PARD3: variants seen among roughly 807,000 people sequenced by gnomAD.
PARD3 encodes the protein par-3 family cell polarity regulator.
In PARD3, 75 loss-of-function variants were observed where a neutral mutation model predicts 155.4. The observed-to-expected ratio is 0.48, with a 90% CI of 0.40 to 0.58. The LOEUF (loss-of-function observed/expected upper bound fraction) is 0.58, where lower values mean the gene tolerates loss of function less well. PARD3 is among the 20% of genes least tolerant of loss of function. The probability of loss-of-function intolerance (pLI) is 0.00; values close to 1 mark genes in which losing one functional copy is unlikely to be tolerated. For synonymous variants in PARD3, 576 were observed against 610.5 expected, an observed-to-expected ratio of 0.94 and a Z score of 0.83; for missense variants, 1,642 against 1,721.7, an observed-to-expected ratio of 0.95 and a Z score of 0.82.
intron 1 of PARD3, among the ~76,000 whole-genome samples, chr10:34,727,991 A>C (rs2094749312): frequency 6.6e-6 from 1 of 152,132 alleles, no homozygotes; most frequent in Non-Finnish European, 1.5e-5. Context: ...GACAAGCAAC[A>C]TTCAACATGT....
At chr10:34,399,472 A>G (rs1843671703) in intron 6 of PARD3, 59 bp from the exon 7 acceptor site, 3 of 1,025,040 alleles carry the variant, frequency 2.9e-6, no homozygotes. Flanking sequence ...ACCAAAACCA[A>G]AACAAAACAA....
intron 1 of PARD3, among the ~76,000 whole-genome samples, chr10:34,797,821 C>T (rs1842440135): frequency 6.6e-6 from 1 of 152,150 alleles, no homozygotes; most frequent in South Asian, 2.1e-4. Context: ...GTAGAAGTGG[C>T]TATTAGACTA....
rs1310032323 is a variant in PARD3, at chr10:34,585,854, A to T, written c.223-68695T>A. Among the ~76,000 whole-genome samples the T allele has an allele frequency of 3.3e-5, 5 of 152,132 alleles. No homozygotes were observed. In the East Asian group the frequency reaches 9.6e-4, roughly 29 times the overall value. On this transcript the variant is annotated intron_variant, in intron 2 of 24. Coordinates refer to ENST00000374788, the MANE Select transcript of PARD3 (RefSeq NM_001184785.2). ...ATCTCTAGAAGAACACACACAACAG[A>T]CACACCCACTAACAACACTGCCTCC... is the stretch of plus-strand genomic sequence containing the variant.
At chr10:34,289,108 A>G (rs1243715271) in intron 20 of PARD3, among the ~76,000 whole-genome samples, 1 of 151,892 alleles carries the variant, frequency 6.6e-6, no homozygotes. Context: ...CTACAGGTGC[A>G]TGGTACCTAC....
intron 7 of PARD3, among the ~76,000 whole-genome samples, chr10:34,390,489 A>G (rs1842778532): frequency 6.6e-6 from 1 of 152,144 alleles, no homozygotes; most frequent in Non-Finnish European, 1.5e-5. Context: ...TTGCTAAATG[A>G]TTTACATATA....
chr10:34,605,465 T>C (rs2090170141), intron 2 of PARD3, among the ~76,000 whole-genome samples: 1 of 145,580 alleles, frequency 6.9e-6, no homozygotes, highest in African/African-American at 2.5e-5. Context: ...AGTGCTGGGA[T>C]TACAGGCGTG....
intron 14 of PARD3, among the ~76,000 whole-genome samples, chr10:34,353,396 C>T (rs999055164): frequency 1.3e-5 from 2 of 152,218 alleles, no homozygotes; most frequent in Non-Finnish European, 2.9e-5. Context: ...CCTTGGGATG[C>T]TGTTAATCTA....
Position 34,192,378 on chromosome 10 carries a change from G to A in PARD3, c.3420-60795C>T, listed in dbSNP as rs547318797. 2.0e-3 allele frequency among the ~76,000 whole-genome samples: 309 copies of A among 152,216 alleles called. 3 individuals carry two copies. Among genetic ancestry groups the A allele is most frequent in the Non-Finnish European group, 2.4e-3 (160 of 68,000 alleles). On this transcript the variant is annotated intron_variant, in intron 22 of 24. Transcript: ENST00000374788. ...CTCCCAAAGTGCTGGGATTACAGGC[G>A]TGAGCCACCGTCCCCAGCCCTGCTT...
At chr10:34,731,495 A>G (rs763014095) in intron 1 of PARD3, among the ~76,000 whole-genome samples, 5 of 152,230 alleles carry the variant, frequency 3.3e-5, no homozygotes, top group Non-Finnish European at 5.9e-5. Flanking sequence ...AAGCAACACA[A>G]AAACCTATAG....
intron 5 of PARD3, among the ~76,000 whole-genome samples, chr10:34,442,949 G>C (rs967563655): frequency 3.3e-5 from 5 of 152,060 alleles, no homozygotes; most frequent in Admixed American, 1.3e-4. Context: ...ATGTCATCTG[G>C]ATAGTTCTAG....
chr10:34,179,240 T>A (rs556611818), intron 22 of PARD3, among the ~76,000 whole-genome samples: 16 of 152,142 alleles, frequency 1.1e-4, no homozygotes, highest in African/African-American at 3.4e-4. Context: ...TTATTGCAGG[T>A]CACAGAGGCC....
At chr10:34,318,683 T>TA (rs1196090122) in intron 19 of PARD3, among the ~76,000 whole-genome samples, 1 of 152,214 alleles carries the variant, frequency 6.6e-6, no homozygotes, top group Non-Finnish European at 1.5e-5. Flanking sequence ...GTGGTATAGC[T>TA]ACGCCCAAGT....
At chr10:34,381,811 A>T (rs1034413241) in intron 9 of PARD3, among the ~76,000 whole-genome samples, 1 of 149,762 alleles carries the variant, frequency 6.7e-6, no homozygotes, top group African/African-American at 2.4e-5. Context: ...ATGTGCCTCT[A>T]GTCACAGCAC....
At chr10:34,287,043 G>C (rs1956430740) in intron 20 of PARD3, among the ~76,000 whole-genome samples, 1 of 152,060 alleles carries the variant, frequency 6.6e-6, no homozygotes, top group Non-Finnish European at 1.5e-5. Flanking sequence ...GGAAGGAAAA[G>C]GTTTGGAGGA....
At chr10:34,241,310 T>C (rs1230695511) in intron 22 of PARD3, among the ~76,000 whole-genome samples, 1 of 151,990 alleles carries the variant, frequency 6.6e-6, no homozygotes, top group East Asian at 1.9e-4. Flanking sequence ...GCAGGGGCAC[T>C]AGCAGCCTAG....
intron 5 of PARD3, among the ~76,000 whole-genome samples, chr10:34,422,419 A>C (rs1364916268): frequency 6.6e-6 from 1 of 152,182 alleles, no homozygotes; most frequent in Admixed American, 6.6e-5. Flanking sequence ...AAAAATAGGC[A>C]AACAAGATTG....
rs188486891 is a variant in PARD3, at chr10:34,291,555, C to T, written c.3066-7310G>A. Among the ~76,000 whole-genome samples, 1,017 of 152,212 alleles carry T rather than the reference C, an allele frequency of 6.7e-3. 15 individuals carry two copies. Among genetic ancestry groups the T allele is most frequent in the Admixed American group, 0.03 (456 of 15,286 alleles). ...AGCATGCAAGACAGGTGTTATCATC[C>T]TCATGCTTAGGGGAAACCTCAGTAA... On this transcript the variant is annotated intron_variant, in intron 20 of 24. Transcript: ENST00000374788.
At chr10:34,135,406 T>C in intron 22 of PARD3, among the ~76,000 whole-genome samples, 1 of 152,188 alleles carries the variant, frequency 6.6e-6, no homozygotes, top group East Asian at 1.9e-4. Context: ...TAAGGAAGGG[T>C]ACCTAGGATC....
At chr10:34,300,354 T>C (rs1957089687) in intron 20 of PARD3, among the ~76,000 whole-genome samples, 1 of 152,166 alleles carries the variant, frequency 6.6e-6, no homozygotes, top group East Asian at 1.9e-4. Flanking sequence ...AAAGAAAAGC[T>C]TCCTAAAAAG....
Sources: gnomAD v4.1 joint callset for allele counts (sites outside exome capture counted in the v4.1 genomes callset) on GRCh38, gnomAD v4.1.1 for gene constraint, MANE v1.5 for transcripts, NCBI Gene and HGNC (gene_info 2026-07-23, HGNC 2026-07-21) for gene names.